The following TXNL4A variants were observed in gnomAD, a reference collection of about 807,000 sequenced individuals.
TXNL4A encodes thioredoxin-like protein 4A.
Under a neutral mutation model 14.6 loss-of-function variants are expected in TXNL4A, and 17 were observed. That is an observed-to-expected ratio of 1.16 (90% CI 0.80 to 1.74). The LOEUF (loss-of-function observed/expected upper bound fraction) is 1.74. Among genes scored for constraint, TXNL4A ranks in the 40% most tolerant of loss-of-function variants. The pLI is 0.00. For synonymous variants in TXNL4A, 83 were observed against 70.6 expected (o/e 1.18, Z -0.88); for missense variants, 74 against 195.2 (o/e 0.38, Z 3.70).
In TXNL4A at chr18:80,031,836, T is replaced by C. The variant is rs530102630; in HGVS notation, c.-61+2015A>G. Among the ~76,000 whole-genome samples, 4 of 152,344 alleles carry C rather than the reference T, an allele frequency of 2.6e-5. No individual in the cohort carries two copies. In the South Asian group the frequency reaches 8.3e-4, roughly 32 times the overall value. ...GATATGAAAACCCAGATAATCAACCTGTCAGACCCAAAACCCTCACTGATT... is the reference window on the plus strand; with the variant it reads ...GATATGAAAACCCAGATAATCAACCCGTCAGACCCAAAACCCTCACTGATT... On this transcript the variant is annotated intron_variant, in intron 1 of 2. Coordinates refer to the TXNL4A transcript ENST00000585474.
chr18:80,007,439 G>C lies in TXNL4A; in HGVS notation c.-61+26412C>G, dbSNP rs1001764313. On this transcript the variant is annotated intron_variant, in intron 1 of 2. Transcript: ENST00000585474. ...TCGGAGAGAAACAGAACAGAGCAGG[G>C]AGTTTCACAATGTTCTTCCATACAA... Among the ~76,000 whole-genome samples, 3 of 152,306 alleles carry C rather than the reference G, an allele frequency of 2.0e-5. No homozygotes were observed. The East Asian group carries it at 5.8e-4, about 29-fold the overall frequency.
chr18:79,972,019 T>C lies in TXNL4A; in HGVS notation c.*1666A>G, dbSNP rs2051307389. 6.6e-6 allele frequency: 1 copy of C among 152,232 alleles called. No individual in the cohort carries two copies. The highest frequency in any genetic ancestry group is 1.5e-5 in the Non-Finnish European group (1 of 68,048). 9.4% of individuals were successfully genotyped at this position (152,232 alleles called of 1,614,324 possible). A position where few individuals can be genotyped will look rare whatever the true frequency, so the allele number is the denominator to read the frequency against. ...AGCACTTGGGAGATTAAACTGCAGA[T>C]TTGCATTTGAATTTTAAATCCATTT... On this transcript the variant is annotated 3_prime_UTR_variant, in exon 3 of 3. Transcript: ENST00000269601.
At chr18:80,020,420 T>G (rs971585309) in intron 1 of TXNL4A, among the ~76,000 whole-genome samples, 2 of 152,176 alleles carry the variant, frequency 1.3e-5, no homozygotes, top group South Asian at 4.1e-4. Flanking sequence ...ATGGGGTGTG[T>G]AAACAGTTAA....
chr18:80,024,976 A>G (rs1250916603), intron 1 of TXNL4A, among the ~76,000 whole-genome samples: 1 of 152,238 alleles, frequency 6.6e-6, no homozygotes, highest in East Asian at 1.9e-4. Context: ...ATTCCCCTTT[A>G]GAAACTCTGG....
At chr18:79,980,413 A>C (rs776569166) in intron 1 of TXNL4A, among the ~76,000 whole-genome samples, 1 of 152,240 alleles carries the variant, frequency 6.6e-6, no homozygotes. Flanking sequence ...TGTAACTTAC[A>C]GGTGAAATAA....
chr18:79,977,741 A>G (rs2051400294), intron 1 of TXNL4A, 40 bp from the exon 2 acceptor site: 1 of 1,240,896 alleles, frequency 8.1e-7, no homozygotes, highest in Non-Finnish European at 1.2e-6. Context: ...ATAACAGAAC[A>G]CTTTGGCTTT....
rs920698916 is a variant in TXNL4A at position 79,988,222 on chromosome 18, G to T, written c.153+18C>A. 6.6e-7 allele frequency: 1 copy of T among 1,504,238 alleles called. No individual in the cohort carries two copies. Among genetic ancestry groups the T allele is most frequent in the Non-Finnish European group, 9.0e-7 (1 of 1,105,964 alleles). The allele number at this position is 1,504,238 out of a possible 1,614,324, so 93.2% of individuals were successfully genotyped here. On this transcript the variant is annotated intron_variant, in intron 1 of 2. Transcript: ENST00000269601. ...TGCGGAAGCACAGCCCGCAGAGCGG[G>T]AGAGTCCGGCGCGCTACCTTCTCGG...
At position 79,977,682 on chromosome 18, in the gene TXNL4A, A is replaced by G; in HGVS notation, c.173T>C (p.Ile58Thr). The G allele has an allele frequency of 6.2e-7, 1 of 1,604,812 alleles. No individual in the cohort carries two copies. Among genetic ancestry groups the G allele is most frequent in the Non-Finnish European group, 8.5e-7 (1 of 1,175,460 alleles). Residue 58 changes from isoleucine (I) to threonine (T), a missense_variant, in exon 2 of 3, where the codon ATT becomes ACT. By Grantham distance (89) the Ile-to-Thr change is moderately conservative. This residue lies in a region of TXNL4A where 55 missense variants were observed against 116.1 expected (regional missense o/e 0.47). Transcript: ENST00000269601. ...CACTTCTGTAATATCCACAAGATAA[A>G]TAACTGCAAAATTTTTAACCTAAAA... The part of the protein sequence containing the change: ...IAEKVKNFAV[I>T]YLVDITEVPD...
At chr18:80,030,199 G>A (rs1433013281) in intron 1 of TXNL4A, among the ~76,000 whole-genome samples, 2 of 152,190 alleles carry the variant, frequency 1.3e-5, no homozygotes, top group Non-Finnish European at 2.9e-5. Context: ...AACAGCTGTT[G>A]TGGACTGCTT....
chr18:79,990,948 C>CA (rs545022393), upstream of TXNL4A, among the ~76,000 whole-genome samples: 1,152 of 144,910 alleles, frequency 7.9e-3, 4 homozygotes, highest in African/African-American at 0.011. Context: ...ACTAAAAATA[C>CA]AAAAAAAAAA....
At chr18:80,002,141 C>T (rs35396722) in intron 1 of TXNL4A, among the ~76,000 whole-genome samples, 115,533 of 152,054 alleles carry the variant, frequency 0.76, 45,182 homozygotes, top group East Asian at 0.91. Context: ...GGTTTTATAA[C>T]GGGAAACCCT....
rs531416984 is a variant in TXNL4A at position 79,987,019 on chromosome 18, G to A, written c.153+1221C>T. Among the ~76,000 whole-genome samples the A allele has an allele frequency of 2.0e-5, 3 of 152,268 alleles. No individual in the cohort carries two copies. The East Asian group carries it at 5.8e-4, about 29-fold the overall frequency. On this transcript the variant is annotated intron_variant, in intron 1 of 2. Transcript: ENST00000269601. ...CCCTCCTCAAGTCCTCAGTGTCCAG[G>A]AGGAAGAGGCTGCGAGATGGCTGGT...
At position 79,988,553 on chromosome 18, in the gene TXNL4A, G is replaced by T; in HGVS notation, c.-161C>A. 1.4e-6 allele frequency: 1 copy of T among 740,122 alleles called. No individual in the cohort carries two copies. The highest frequency in any genetic ancestry group is 1.9e-6 in the Non-Finnish European group (1 of 539,152). The allele number at this position is 740,122 out of a possible 1,614,324, so 45.8% of individuals were successfully genotyped here. A position where few individuals can be genotyped will look rare whatever the true frequency, so the allele number is the denominator to read the frequency against. On this transcript the variant is annotated 5_prime_UTR_variant, in exon 1 of 3. Coordinates refer to ENST00000269601, the MANE Select transcript of TXNL4A (RefSeq NM_006701.5). ...CAAACTCCGCTGGGACTGCCACCCGGCAGAACGTCTGGGCGCGCACGCACC... is the reference window on the plus strand; with the variant it reads ...CAAACTCCGCTGGGACTGCCACCCGTCAGAACGTCTGGGCGCGCACGCACC...
chr18:79,987,114 C>A (rs2051562678), intron 1 of TXNL4A, among the ~76,000 whole-genome samples: 1 of 152,186 alleles, frequency 6.6e-6, no homozygotes, highest in African/African-American at 2.4e-5. Context: ...CATCAGAATT[C>A]CCTGAGGGGC....
At chr18:80,000,377 G>C (rs1373685657) in intron 1 of TXNL4A, among the ~76,000 whole-genome samples, 1 of 152,222 alleles carries the variant, frequency 6.6e-6, no homozygotes, top group East Asian at 1.9e-4. Context: ...TTAGGAAAGA[G>C]AATGGTGGCA....
At chr18:80,005,303 T>G (rs1433414312) in intron 1 of TXNL4A, among the ~76,000 whole-genome samples, 1 of 152,222 alleles carries the variant, frequency 6.6e-6, no homozygotes, top group African/African-American at 2.4e-5. Context: ...CCAGGCTGTC[T>G]GCAGACTTGG....
chr18:79,977,337 C>T lies in TXNL4A; in HGVS notation c.257+261G>A, dbSNP rs952308441. On this transcript the variant is annotated intron_variant, in intron 2 of 2. Coordinates refer to ENST00000269601, the MANE Select transcript of TXNL4A (RefSeq NM_006701.5). ...CTAAAATGTCAGTAACAACATCTTT[C>T]ATTGAATTACACTTCACCTAGGTTT... 39 of 508,434 alleles carry T rather than the reference C, an allele frequency of 7.7e-5. No homozygotes were observed. In the Admixed American group the frequency reaches 1.4e-3, roughly 18 times the overall value. The allele number at this position is 508,434 out of a possible 1,614,324, so 31.5% of individuals were successfully genotyped here.
At chr18:80,028,547 A>T (rs555211680) in intron 1 of TXNL4A, among the ~76,000 whole-genome samples, 5 of 152,092 alleles carry the variant, frequency 3.3e-5, no homozygotes, top group Admixed American at 6.6e-5. Flanking sequence ...ATGCCACTGG[A>T]TCATGCTAAA....
In TXNL4A at chr18:80,027,606, C is replaced by G. The variant is rs549493587; in HGVS notation, c.-61+6245G>C. 7.9e-5 allele frequency among the ~76,000 whole-genome samples: 12 copies of G among 152,280 alleles called. No homozygotes were observed. In the South Asian group the frequency reaches 1.4e-3, roughly 18 times the overall value. ...TACACAAAGTCCCACTTACTTTTCC[C>G]AAATATTAAAAGCTGATTTAGAGGA... On this transcript the variant is annotated intron_variant, in intron 1 of 2. Coordinates refer to the TXNL4A transcript ENST00000585474.
Sources: gnomAD v4.1 joint callset for allele counts (sites outside exome capture counted in the v4.1 genomes callset) on GRCh38, gnomAD v4.1.1 for gene constraint, gnomAD v4.1.1 regional missense constraint, MANE v1.5 for transcripts, NCBI Gene and HGNC (gene_info 2026-07-23, HGNC 2026-07-21) for gene names.